The following VPS13B variants were observed in gnomAD, a reference collection of about 807,000 sequenced individuals.
The protein encoded by VPS13B is intermembrane lipid transfer protein VPS13B.
A neutral mutation model predicts 426.4 loss-of-function variants in VPS13B; 285 were observed. The ratio of observed to expected loss-of-function variants is 0.67; its 90% CI spans 0.61 to 0.74. VPS13B has a LOEUF of 0.74. VPS13B is among the 30% of genes least tolerant of loss of function. VPS13B has a pLI of 0.00. For missense variants in VPS13B, 4,537 were observed against 4,782.6 expected (o/e 0.95, Z 1.51); for synonymous variants, 1,676 against 1,676.4 (o/e 1.00, Z 0.01).
rs886062533 is a variant in VPS13B at position 99,013,347 on chromosome 8, T to A, written c.-30T>A. The A allele has an allele frequency of 4.4e-5, 12 of 274,228 alleles. No homozygotes were observed. The highest frequency in any genetic ancestry group is 7.9e-5 in the Non-Finnish European group (11 of 139,688). 17.0% of individuals were successfully genotyped at this position (274,228 alleles called of 1,614,324 possible). A position where few individuals can be genotyped will look rare whatever the true frequency, so the allele number is the denominator to read the frequency against. ...GAGGGGACGCGGCGGTACTCTGGCG[T>A]GTGAGCCGAGGGTGGAGTGCAGAGG... On this transcript the variant is annotated splice_region_variant and 5_prime_UTR_variant, in exon 1 of 62. Coordinates refer to ENST00000357162, the MANE Select transcript of VPS13B (RefSeq NM_152564.5).
intron 39 of VPS13B, among the ~76,000 whole-genome samples, chr8:99,737,106 CTTTTTTTTTTT>C (rs386413466): frequency 3.0e-3 from 132 of 44,372 alleles, no homozygotes; most frequent in South Asian, 0.015. Context: ...AGATGTCCTT[CTTTTTTTTTTT>C]TTTTTTTTTT....
intron 35 of VPS13B, among the ~76,000 whole-genome samples, chr8:99,689,753 A>G (rs1015078652): frequency 9.8e-5 from 15 of 152,312 alleles, no homozygotes; most frequent in Non-Finnish European, 2.1e-4. Context: ...GAGGGTAGCA[A>G]TCAGCAGCTT....
intron 35 of VPS13B, chr8:99,697,652 G>A: frequency 1.5e-6 from 1 of 652,742 alleles, no homozygotes. Context: ...GACTGACAGA[G>A]GGTGCAGCAG....
chr8:99,702,297 C>T lies in VPS13B; in HGVS notation c.6454+2365C>T, dbSNP rs144473417. ...GATGTCAGATTTTTATAGTTTGAAT[C>T]TAATACAGAAATACTTAACTGTGTC... On this transcript the variant is annotated intron_variant, in intron 36 of 61. Transcript: ENST00000357162. Among the ~76,000 whole-genome samples, 852 of 152,176 alleles carry T rather than the reference C, an allele frequency of 5.6e-3. 8 individuals carry two copies. The highest frequency in any genetic ancestry group is 0.02 in the African/African-American group (818 of 41,548).
chr8:99,058,483 A>C lies in VPS13B; in HGVS notation c.291+19917A>C, dbSNP rs537561725. 8.0e-4 allele frequency among the ~76,000 whole-genome samples: 122 copies of C among 152,056 alleles called. 2 individuals are homozygous for C. In the South Asian group the frequency reaches 0.024, roughly 30 times the overall value. The stretch of plus-strand genomic sequence containing the variant: ...TTTCTTTTGTATTTCTACTATGGTA[A>C]ATATGTGATTCTCAGTAATTTTTAA... On this transcript the variant is annotated intron_variant, in intron 3 of 61. Coordinates refer to ENST00000357162, the MANE Select transcript of VPS13B (RefSeq NM_152564.5).
chr8:99,317,808 A>G (rs992102855), intron 19 of VPS13B, among the ~76,000 whole-genome samples: 6 of 152,210 alleles, frequency 3.9e-5, no homozygotes, highest in Admixed American at 1.3e-4. Flanking sequence ...CTTGTTCATC[A>G]TTAATGAGGA....
At chr8:99,359,073 CT>C (rs1395982611) in intron 19 of VPS13B, among the ~76,000 whole-genome samples, 1 of 151,892 alleles carries the variant, frequency 6.6e-6, no homozygotes, top group African/African-American at 2.4e-5. Flanking sequence ...TAAATAAGTC[CT>C]TTTTTCTTAA....
Position 99,832,580 on chromosome 8 carries a change from T to G in VPS13B, c.9542T>G (p.Val3181Gly). ...SSQCWSLPAI[V>G]RPEFPRQSVA... ...CAGTGCTGGAGCCTGCCAGCTATAGTTAGACCAGAGTTTCCCAGACAGAGT... is the reference window on the plus strand; with the variant it reads ...CAGTGCTGGAGCCTGCCAGCTATAGGTAGACCAGAGTTTCCCAGACAGAGT... The change falls in exon 52 of 62, where the codon GTT becomes GGT. Residue 3181 changes from valine to glycine, a missense_variant. Val to Gly is a moderately radical substitution (Grantham distance 109). Coordinates refer to ENST00000357162, the MANE Select transcript of VPS13B (RefSeq NM_152564.5). 2 of 1,613,950 alleles carry G rather than the reference T, an allele frequency of 1.2e-6. No homozygotes were observed. The highest frequency in any genetic ancestry group is 1.7e-6 in the Non-Finnish European group (2 of 1,180,000).
intron 35 of VPS13B, among the ~76,000 whole-genome samples, chr8:99,679,626 G>A (rs1250490883): frequency 6.6e-6 from 1 of 152,124 alleles, no homozygotes; most frequent in African/African-American, 2.4e-5. Context: ...CTTCCTCATA[G>A]CACATAAGAC....
At chr8:99,056,190 G>C (rs1461748472) in intron 3 of VPS13B, among the ~76,000 whole-genome samples, 3 of 152,012 alleles carry the variant, frequency 2.0e-5, no homozygotes, top group Admixed American at 1.3e-4. Context: ...CCAAGTAGCA[G>C]GGACTACAGG....
chr8:99,577,662 T>G, intron 33 of VPS13B, 29 bp downstream of exon 33: 1 of 1,612,096 alleles, frequency 6.2e-7, no homozygotes, highest in Non-Finnish European at 8.5e-7. Context: ...TGATCAGGCT[T>G]ACTGCATTTG....
rs118106069 is a variant in VPS13B at position 99,019,479 on chromosome 8, C to T, written c.147+5544C>T. Among the ~76,000 whole-genome samples, 367 of 152,250 alleles carry T rather than the reference C, an allele frequency of 2.4e-3. 1 individual carries two copies. Among genetic ancestry groups the T allele is most frequent in the Non-Finnish European group, 4.7e-3 (322 of 68,024 alleles). Reference sequence around the variant, plus strand: ...CCTCCCAAAGTGCTGGGCTTACAAGCATGAGCCATCGTGCCTGGCCCATTT... The same window carrying T: ...CCTCCCAAAGTGCTGGGCTTACAAGTATGAGCCATCGTGCCTGGCCCATTT... On this transcript the variant is annotated intron_variant, in intron 2 of 61. Transcript: ENST00000357162.
At chr8:99,144,240 C>G (rs1320576870) in intron 13 of VPS13B, among the ~76,000 whole-genome samples, 2 of 151,840 alleles carry the variant, frequency 1.3e-5, no homozygotes, top group Non-Finnish European at 2.9e-5. Flanking sequence ...ACCTGTAATC[C>G]CAGTAGTTAG....
Position 99,258,130 on chromosome 8 carries a change from A to G in VPS13B, c.2516-16068A>G, listed in dbSNP as rs1461680680. Among the ~76,000 whole-genome samples, 7 of 151,886 alleles carry G rather than the reference A, an allele frequency of 4.6e-5. No homozygotes were observed. In the East Asian group the frequency reaches 1.4e-3, roughly 29 times the overall value. On this transcript the variant is annotated intron_variant, in intron 17 of 61. Transcript: ENST00000357162. ...TTATTTTTTATTATTTTAACCAATA[A>G]TTTAACCAAATAACATTATTATTTT...
At chr8:99,680,822 T>A (rs2129974411) in intron 35 of VPS13B, among the ~76,000 whole-genome samples, 1 of 152,334 alleles carries the variant, frequency 6.6e-6, no homozygotes, top group South Asian at 2.1e-4. Flanking sequence ...TCCAGTTATA[T>A]TTCCAGTTCC....
At chr8:99,131,407 G>A (rs1809795552) in intron 8 of VPS13B, among the ~76,000 whole-genome samples, 1 of 152,138 alleles carries the variant, frequency 6.6e-6, no homozygotes, top group Non-Finnish European at 1.5e-5. Context: ...TAAATAATAT[G>A]TTATAAGCAT....
chr8:99,195,363 C>T (rs552101969), intron 17 of VPS13B, among the ~76,000 whole-genome samples: 19 of 152,218 alleles, frequency 1.2e-4, no homozygotes, highest in African/African-American at 4.6e-4. Context: ...TTCAGGAACC[C>T]GTTGGCCATT....
At chr8:99,464,112 G>A (rs1053524598) in intron 23 of VPS13B, among the ~76,000 whole-genome samples, 17 of 152,106 alleles carry the variant, frequency 1.1e-4, no homozygotes, top group African/African-American at 4.1e-4. Context: ...CTCACAATAG[G>A]TGGTAGAATG....
intron 17 of VPS13B, among the ~76,000 whole-genome samples, chr8:99,232,460 G>A (rs1354549326): frequency 3.3e-5 from 5 of 151,724 alleles, no homozygotes; most frequent in Non-Finnish European, 7.4e-5. Flanking sequence ...TCTCTACACC[G>A]TGAACCTCCC....
Sources: allele counts gnomAD v4.1 joint callset (sites outside exome capture counted in the v4.1 genomes callset), GRCh38; gene constraint gnomAD v4.1.1; transcripts MANE v1.5; gene names NCBI Gene and HGNC (gene_info 2026-07-23, HGNC 2026-07-21).